Variants in TAF1 observed in about 807,000 individuals in gnomAD.
TAF1 encodes TATA-box binding protein associated factor 1.
In TAF1, 2 loss-of-function variants were observed where a neutral mutation model predicts 138.5. The ratio of observed to expected loss-of-function variants is 0.01; its 90% CI spans 0.01 to 0.05. The LOEUF is 0.05. Among genes scored for constraint, TAF1 ranks in the 10% least tolerant of loss-of-function variants. The probability of loss-of-function intolerance (pLI) is 1.00; values close to 1 mark genes in which losing one functional copy is unlikely to be tolerated. For missense variants in TAF1, 709 were observed against 1,478.0 expected (o/e 0.48, Z 8.53); for synonymous variants, 437 against 503.2 (o/e 0.87, Z 1.76).
intron 22 of TAF1, 46 bp from the exon 23 acceptor site, chrX:71,397,207 G>C: frequency 8.7e-7 from 1 of 1,151,663 alleles, no homozygotes; most frequent in Non-Finnish European, 1.2e-6. Context: ...ATGATCATTT[G>C]GGAGATAAGG....
chrX:71,388,958 TC>T, intron 17 of TAF1, 90 bp downstream of exon 17: 1 of 1,048,303 alleles, frequency 9.5e-7, no homozygotes, highest in Non-Finnish European at 1.3e-6. Flanking sequence ...GAAGATTCTT[TC>T]TCTGACTGGC....
At chrX:71,442,159 A>G (rs1197237658) in intron 32 of TAF1, among the ~76,000 whole-genome samples, 6 of 112,385 alleles carry the variant, frequency 5.3e-5, no homozygotes, top group African/African-American at 1.9e-4. Context: ...AGCATGATTT[A>G]TAATCCTTTG....
intron 13 of TAF1, among the ~76,000 whole-genome samples, chrX:71,478,829 G>C (rs1026256102): frequency 8.9e-6 from 1 of 112,447 alleles, no homozygotes; most frequent in Non-Finnish European, 1.9e-5. Context: ...GCCAATAAAC[G>C]TGAAAATGTT....
intron 13 of TAF1, among the ~76,000 whole-genome samples, chrX:71,473,557 A>C (rs770249125): frequency 3.6e-5 from 4 of 109,806 alleles, no homozygotes; most frequent in Admixed American, 2.0e-4. Flanking sequence ...GTGCACCTCT[A>C]GTCCTAGCTA....
At position 71,383,048 on chromosome X, in the gene TAF1, A is replaced by G. The variant is rs999676450; in HGVS notation, c.1831A>G (p.Ile611Val). ...CTTCTTTCCCACCCACATGGGGCCC[A>G]TCAAACTCCGGCAGTTCCATCGCCC... The part of the protein sequence containing the change: ...QPFFPTHMGP[I>V]KLRQFHRPPL... The change falls in exon 12 of 38, where the codon ATC becomes GTC. Residue 611 changes from isoleucine to valine, a missense_variant. Coordinates refer to ENST00000423759, the MANE Select transcript of TAF1 (RefSeq NM_004606.5). 4 of 1,209,177 alleles carry G rather than the reference A, an allele frequency of 3.3e-6. No individual in the cohort carries two copies. The African/African-American group carries it at 7.0e-5, about 21-fold the overall frequency.
intron 17 of TAF1, 38 bp downstream of exon 17, chrX:71,388,906 G>T: frequency 8.7e-7 from 1 of 1,154,411 alleles, no homozygotes; most frequent in Non-Finnish European, 1.2e-6. Context: ...TATGCCTGTG[G>T]TTTTTTGTTT....
At chrX:71,518,987 G>C (rs919216652) in intron 13 of TAF1, among the ~76,000 whole-genome samples, 5 of 108,136 alleles carry the variant, frequency 4.6e-5, no homozygotes, top group Non-Finnish European at 9.6e-5. Context: ...GAGCCACTGA[G>C]CCACTGAACC....
chrX:71,383,181 G>T lies in TAF1; in HGVS notation c.1947+17G>T. 8.3e-7 allele frequency: 1 copy of T among 1,202,344 alleles called. No individual in the cohort carries two copies. The stretch of plus-strand genomic sequence containing the variant: ...AAGGCCAAGGTATAATTGAATTCTG[G>T]TTAGAAAACAGCTATAAAGGATATT... On this transcript the variant is annotated intron_variant, in intron 12 of 37. Coordinates refer to ENST00000423759, the MANE Select transcript of TAF1 (RefSeq NM_004606.5).
chrX:71,397,596 C>A, intron 23 of TAF1, 130 bp downstream of exon 23: 1 of 736,738 alleles, frequency 1.4e-6, no homozygotes, highest in Non-Finnish European at 2.0e-6. Flanking sequence ...GATTCTCATG[C>A]CTCAACTTCC....
At chrX:71,517,621 A>G (rs2039847700) in intron 13 of TAF1, among the ~76,000 whole-genome samples, 1 of 112,214 alleles carries the variant, frequency 8.9e-6, no homozygotes, top group South Asian at 3.7e-4. Flanking sequence ...ATTCTGCCAC[A>G]ACTACATGAG....
Position 71,398,754 on chromosome X carries a change from G to A in TAF1, c.3786+17G>A. ...GACCTAAAAGTAAGTATAATGTGGT[G>A]TGATTACAGCTAACGGAGCAAAGGA... On this transcript the variant is annotated intron_variant, in intron 24 of 37. Transcript: ENST00000423759. 1 of 1,183,075 alleles carries A rather than the reference G, an allele frequency of 8.5e-7. No homozygotes were observed. Among genetic ancestry groups the A allele is most frequent in the Non-Finnish European group, 1.1e-6 (1 of 883,920 alleles).
At chrX:71,423,696 C>G (rs189050586) in intron 30 of TAF1, among the ~76,000 whole-genome samples, 1 of 111,557 alleles carries the variant, frequency 9.0e-6, no homozygotes, top group Admixed American at 9.6e-5. Context: ...GGAATGTGTT[C>G]TATATGTGTA....
intron 7 of TAF1, 33 bp from the exon 8 acceptor site, chrX:71,378,791 C>A: frequency 8.4e-7 from 1 of 1,187,132 alleles, no homozygotes; most frequent in Non-Finnish European, 1.1e-6. Context: ...AGTGACCAAT[C>A]AAGGATGTGT....
chrX:71,367,154 G>C (rs2032595855), intron 1 of TAF1, among the ~76,000 whole-genome samples: 1 of 112,332 alleles, frequency 8.9e-6, no homozygotes, highest in Non-Finnish European at 1.9e-5. Flanking sequence ...AACGAGCCCC[G>C]CCTCGACGCC....
chrX:71,411,416 T>A (rs1278491413), intron 28 of TAF1, among the ~76,000 whole-genome samples: 2 of 110,803 alleles, frequency 1.8e-5, no homozygotes, highest in African/African-American at 3.3e-5. Context: ...GAGGTGGAGG[T>A]TGAAGTGAAC....
At chrX:71,422,274 A>AG (rs749738981) in intron 29 of TAF1, among the ~76,000 whole-genome samples, 1 of 109,873 alleles carries the variant, frequency 9.1e-6, no homozygotes, top group South Asian at 3.9e-4. Flanking sequence ...TAGAATGTAG[A>AG]GTACCTAAAG....
chrX:71,459,306 C>T (rs1224734348), intron 35 of TAF1: 1 of 1,093,933 alleles, frequency 9.1e-7, no homozygotes, highest in African/African-American at 1.8e-5. Context: ...ATGATAGGAG[C>T]CCCATCAGTA....
chrX:71,441,704 C>T, intron 32 of TAF1: 2 of 286,650 alleles, frequency 7.0e-6, no homozygotes, highest in South Asian at 3.2e-5. Flanking sequence ...TTCTAGGGTA[C>T]ATGTGCACAA....
At chrX:71,397,968 C>A (rs190799041) in intron 23 of TAF1, among the ~76,000 whole-genome samples, 2 of 111,823 alleles carry the variant, frequency 1.8e-5, no homozygotes, top group Non-Finnish European at 3.8e-5. Context: ...AAATTCTATT[C>A]GGTATTTGCC....
Sources: allele counts gnomAD v4.1 joint callset (sites outside exome capture counted in the v4.1 genomes callset), GRCh38; gene constraint gnomAD v4.1.1; transcripts MANE v1.5; gene names NCBI Gene and HGNC (gene_info 2026-07-23, HGNC 2026-07-21).